CPPED1: variants seen among roughly 807,000 people sequenced by gnomAD.
CPPED1 encodes the protein serine/threonine-protein phosphatase CPPED1.
A neutral mutation model predicts 28.0 loss-of-function variants in CPPED1; 28 were observed. The ratio of observed to expected loss-of-function variants is 1.00; its 90% CI spans 0.74 to 1.37. The LOEUF (loss-of-function observed/expected upper bound fraction) is 1.37, where lower values mean the gene tolerates loss of function less well. Ranked by LOEUF, CPPED1 falls within the 40% of genes most tolerant of loss-of-function variation. CPPED1 has a pLI of 0.00. For missense variants in CPPED1, 504 were observed against 416.5 expected (o/e 1.21, Z -1.83); for synonymous variants, 198 against 180.2 (o/e 1.10, Z -0.79).
rs1223279451 is a variant in CPPED1, at chr16:12,664,534, T to C, written c.*352A>G. ...ATCATACTTGGCTGTCAGATTGGAA[T>C]TGAGGTCGATAGGCAGACTTTGACC... On this transcript the variant is annotated 3_prime_UTR_variant, in exon 4 of 4. Coordinates refer to ENST00000381774, the MANE Select transcript of CPPED1 (RefSeq NM_018340.3). This position sits in a 1 kb window ranked among gnomAD's most constrained non-coding sequence, Gnocchi z 4.2. The C allele has an allele frequency of 1.9e-6, 2 of 1,078,064 alleles. No homozygotes were observed. Among genetic ancestry groups the C allele is most frequent in the Non-Finnish European group, 2.2e-6 (2 of 889,400 alleles). 66.8% of individuals were successfully genotyped at this position (1,078,064 alleles called of 1,614,324 possible).
At chr16:12,750,216 C>T (rs2080318757) in intron 2 of CPPED1, among the ~76,000 whole-genome samples, 2 of 152,188 alleles carry the variant, frequency 1.3e-5, no homozygotes, top group African/African-American at 4.8e-5. Context: ...TTGTTAGTTT[C>T]CTTTAAGAAC....
At chr16:12,694,428 G>C (rs1469498451) in intron 3 of CPPED1, among the ~76,000 whole-genome samples, 2 of 152,088 alleles carry the variant, frequency 1.3e-5, no homozygotes, top group Non-Finnish European at 2.9e-5. Flanking sequence ...ATCAGGACTT[G>C]ATTTCAACTT....
At chr16:12,683,258 TG>T (rs1159699009) in intron 3 of CPPED1, among the ~76,000 whole-genome samples, 1 of 152,184 alleles carries the variant, frequency 6.6e-6, no homozygotes, top group Non-Finnish European at 1.5e-5. Flanking sequence ...TAACTAAATT[TG>T]TGCACTTTTC....
At chr16:12,704,593 C>T (rs2080037834) in intron 3 of CPPED1, 31 bp downstream of exon 3, 3 of 1,577,904 alleles carry the variant, frequency 1.9e-6, no homozygotes, top group Non-Finnish European at 2.6e-6. Flanking sequence ...CTTGTCCTTC[C>T]TCCCTGAAAC....
At chr16:12,767,899 G>C (rs938975172) in intron 2 of CPPED1, among the ~76,000 whole-genome samples, 1 of 152,146 alleles carries the variant, frequency 6.6e-6, no homozygotes, top group African/African-American at 2.4e-5. Flanking sequence ...AGGTTGCAGT[G>C]AGCAGAGATC....
chr16:12,740,161 T>C (rs1005774813), intron 2 of CPPED1, among the ~76,000 whole-genome samples: 5 of 152,040 alleles, frequency 3.3e-5, no homozygotes, highest in African/African-American at 9.7e-5. Flanking sequence ...TAAGATACTT[T>C]TTAGGCCGGG....
At chr16:12,765,616 G>A (rs2080433842) in intron 2 of CPPED1, among the ~76,000 whole-genome samples, 1 of 152,214 alleles carries the variant, frequency 6.6e-6, no homozygotes, top group South Asian at 2.1e-4. Flanking sequence ...GATGATGACA[G>A]TGGTATTTCA....
At chr16:12,675,282 T>C (rs2079872245) in intron 3 of CPPED1, among the ~76,000 whole-genome samples, 1 of 152,212 alleles carries the variant, frequency 6.6e-6, no homozygotes, top group Non-Finnish European at 1.5e-5. Context: ...AATTGAGTAT[T>C]ATGTATAGAT....
chr16:12,742,890 G>A (rs8057200), intron 2 of CPPED1, among the ~76,000 whole-genome samples: 79,880 of 151,918 alleles, frequency 0.53, 21,490 homozygotes, highest in Admixed American at 0.62. Context: ...GGCGTGGGAC[G>A]AATACACAGG....
intron 3 of CPPED1, among the ~76,000 whole-genome samples, chr16:12,695,359 G>A (rs565456293): frequency 6.6e-6 from 1 of 152,160 alleles, no homozygotes; most frequent in South Asian, 2.1e-4. Context: ...TGGCTTCCGG[G>A]GCTCAAGCGA....
At chr16:12,716,523 T>C (rs755446761) in intron 2 of CPPED1, among the ~76,000 whole-genome samples, 9 of 152,246 alleles carry the variant, frequency 5.9e-5, no homozygotes, top group Non-Finnish European at 1.2e-4. Context: ...ACTGCCTTTT[T>C]TTACTTTAAG....
chr16:12,733,803 G>T (rs1319690145), intron 2 of CPPED1, among the ~76,000 whole-genome samples: 1 of 152,142 alleles, frequency 6.6e-6, no homozygotes, highest in African/African-American at 2.4e-5. Flanking sequence ...GTGAGCAACA[G>T]GCCAATGAGG....
chr16:12,745,590 C>T (rs1259215314), intron 2 of CPPED1, among the ~76,000 whole-genome samples: 1 of 152,158 alleles, frequency 6.6e-6, no homozygotes, highest in African/African-American at 2.4e-5. Flanking sequence ...CCAAATACCG[C>T]ATGTTCTCAC....
intron 1 of CPPED1, among the ~76,000 whole-genome samples, chr16:12,787,087 G>A (rs1251574872): frequency 6.6e-6 from 1 of 152,136 alleles, no homozygotes; most frequent in East Asian, 1.9e-4. Flanking sequence ...CAACAGAGAA[G>A]TCTGTATTTT....
At chr16:12,774,465 C>CA (rs113635812) in intron 2 of CPPED1, among the ~76,000 whole-genome samples, 6,191 of 138,158 alleles carry the variant, frequency 0.045, 422 homozygotes, top group African/African-American at 0.15. Flanking sequence ...GAGACTGTCT[C>CA]AAAAAAAAAA....
intron 2 of CPPED1, among the ~76,000 whole-genome samples, chr16:12,742,165 C>G (rs761580362): frequency 6.6e-6 from 1 of 152,176 alleles, no homozygotes; most frequent in African/African-American, 2.4e-5. Context: ...GACCATGATA[C>G]TCAGAGAAAC....
rs553389543 is a variant in CPPED1 at position 12,695,663 on chromosome 16, C to T, written c.715+8961G>A. On this transcript the variant is annotated intron_variant, in intron 3 of 3. Coordinates refer to ENST00000381774, the MANE Select transcript of CPPED1 (RefSeq NM_018340.3). ...AATAGAACATACTCTTGCCAATCTC[C>T]GGTTTTGGCCAATCACAGGCAGTCA... Among the ~76,000 whole-genome samples, 69 of 152,318 alleles carry T rather than the reference C, an allele frequency of 4.5e-4. No individual in the cohort carries two copies. In the South Asian group the frequency reaches 6.0e-3, roughly 13 times the overall value.
At chr16:12,720,254 A>C (rs2080132185) in intron 2 of CPPED1, 1 of 154,298 alleles carries the variant, frequency 6.5e-6, no homozygotes, top group Non-Finnish European at 1.5e-5. Context: ...GGCCTTTTTC[A>C]GCCTTGGAGA....
At chr16:12,752,687 A>C (rs1387855212) in intron 2 of CPPED1, among the ~76,000 whole-genome samples, 1 of 147,354 alleles carries the variant, frequency 6.8e-6, no homozygotes, top group African/African-American at 2.5e-5. Flanking sequence ...ATATATATAA[A>C]ATCTTGCAAA....
Sources: allele counts gnomAD v4.1 joint callset (sites outside exome capture counted in the v4.1 genomes callset), GRCh38; gene constraint gnomAD v4.1.1; non-coding constraint Gnocchi (gnomAD v3.1); transcripts MANE v1.5; gene names NCBI Gene and HGNC (gene_info 2026-07-23, HGNC 2026-07-21).